Variants in LRRC37A2 observed in about 807,000 individuals in gnomAD.
The protein encoded by LRRC37A2 is leucine rich repeat containing 37 member A2, also known as leucine-rich repeat-containing protein 37A2.
A neutral mutation model predicts 68.8 loss-of-function variants in LRRC37A2; 9 were observed. The observed-to-expected ratio is 0.13, with a 90% CI of 0.08 to 0.23. The LOEUF (loss-of-function observed/expected upper bound fraction) is 0.23, where lower values mean the gene tolerates loss of function less well. Ranked by LOEUF, LRRC37A2 falls within the 10% of genes least tolerant of loss-of-function variation. The probability of loss-of-function intolerance (pLI) is 1.00; values close to 1 mark genes in which losing one functional copy is unlikely to be tolerated. For missense variants in LRRC37A2, 168 were observed against 950.4 expected (o/e 0.18, Z 10.82); for synonymous variants, 63 against 367.6 (o/e 0.17, Z 9.48).
chr17:46,792,242 G>T, the LRRC37A2 span, among the ~76,000 whole-genome samples: 1 of 152,186 alleles, frequency 6.6e-6, no homozygotes, highest in African/African-American at 2.4e-5. Context: ...GGTGGGAGGA[G>T]GTGTCCTCCA....
chr17:46,787,605 C>A, the LRRC37A2 span, among the ~76,000 whole-genome samples: 1 of 152,206 alleles, frequency 6.6e-6, no homozygotes, highest in East Asian at 1.9e-4. Context: ...CAGACCTGAT[C>A]ATCTGAAGGC....
chr17:46,998,983 G>A, the LRRC37A2 span, among the ~76,000 whole-genome samples: 4 of 152,332 alleles, frequency 2.6e-5, no homozygotes, highest in African/African-American at 9.6e-5. Context: ...GAGGTGAAGA[G>A]GTGGAGAGGG....
At chr17:47,003,672 T>C in the LRRC37A2 span, among the ~76,000 whole-genome samples, 1 of 152,188 alleles carries the variant, frequency 6.6e-6, no homozygotes, top group African/African-American at 2.4e-5. Context: ...CACCCTGGGA[T>C]TTCTCCCATC....
chr17:46,987,038 G>A, the LRRC37A2 span, among the ~76,000 whole-genome samples: 1 of 152,124 alleles, frequency 6.6e-6, no homozygotes, highest in Non-Finnish European at 1.5e-5. Context: ...TTGAGGTCAG[G>A]GGTTCAAGAC....
At chr17:46,886,310 G>T in the LRRC37A2 span, 1 of 152,232 alleles carries the variant, frequency 6.6e-6, no homozygotes, top group African/African-American at 2.4e-5. Context: ...GGGGATGGAG[G>T]TTAAATGAGA....
the LRRC37A2 span, among the ~76,000 whole-genome samples, chr17:46,776,250 G>A: frequency 2.6e-5 from 4 of 152,324 alleles, no homozygotes; most frequent in African/African-American, 9.6e-5. Flanking sequence ...TCTGCACCCT[G>A]GGCCTCCATA....
the LRRC37A2 span, among the ~76,000 whole-genome samples, chr17:47,019,971 G>A: frequency 2.0e-5 from 3 of 148,820 alleles, no homozygotes; most frequent in Non-Finnish European, 4.4e-5. Flanking sequence ...TTAATGTTAG[G>A]CCCCTTCTCC....
At chr17:46,838,520 AG>A in the LRRC37A2 span, among the ~76,000 whole-genome samples, 1 of 151,964 alleles carries the variant, frequency 6.6e-6, no homozygotes, top group Non-Finnish European at 1.5e-5. Flanking sequence ...CTAGCTTCTC[AG>A]GAGGCTAAGG....
At chr17:46,805,483 G>C in the LRRC37A2 span, among the ~76,000 whole-genome samples, 2 of 152,220 alleles carry the variant, frequency 1.3e-5, no homozygotes, top group Admixed American at 6.5e-5. Flanking sequence ...TGAGGCAGGA[G>C]AATCGCTTGA....
At chr17:46,796,750 C>T in the LRRC37A2 span, among the ~76,000 whole-genome samples, 1 of 152,216 alleles carries the variant, frequency 6.6e-6, no homozygotes, top group Non-Finnish European at 1.5e-5. Flanking sequence ...TCCCTGGTTC[C>T]TGGCTGCTGC....
At chr17:47,007,212 C>G in the LRRC37A2 span, among the ~76,000 whole-genome samples, 1 of 152,272 alleles carries the variant, frequency 6.6e-6, no homozygotes, top group East Asian at 1.9e-4. Context: ...GAGTCTTGCT[C>G]TGTTGCCGAG....
At chr17:46,923,321 C>T in the LRRC37A2 span, 1 of 1,539,146 alleles carries the variant, frequency 6.5e-7, no homozygotes, top group East Asian at 2.5e-5. Flanking sequence ...GGGTAGAGGC[C>T]GAGTTTTTCC....
the LRRC37A2 span, among the ~76,000 whole-genome samples, chr17:46,765,542 TTC>T: frequency 1.3e-5 from 2 of 152,246 alleles, no homozygotes; most frequent in Non-Finnish European, 2.9e-5. Context: ...TGCGACTCCC[TTC>T]TCTCTCCTGC....
intron 8 of LRRC37A2, among the ~76,000 whole-genome samples, chr17:46,542,696 A>T (rs1357920243): frequency 2.0e-5 from 3 of 150,014 alleles, no homozygotes; most frequent in African/African-American, 5.1e-5. Flanking sequence ...CCCTGTCTAA[A>T]ATATATATAT....
chr17:46,732,604 A>G, the LRRC37A2 span, among the ~76,000 whole-genome samples: 12 of 152,334 alleles, frequency 7.9e-5, no homozygotes, highest in Admixed American at 7.2e-4. Flanking sequence ...TGATTGATTT[A>G]TTAGCCCTTT....
chr17:46,691,702 G>A, the LRRC37A2 span, among the ~76,000 whole-genome samples: 38 of 151,692 alleles, frequency 2.5e-4, no homozygotes, highest in African/African-American at 7.6e-4. Flanking sequence ...TTTATTATCC[G>A]TATGTTGTCA....
chr17:46,825,627 G>A, the LRRC37A2 span, among the ~76,000 whole-genome samples: 2 of 152,242 alleles, frequency 1.3e-5, no homozygotes, highest in Admixed American at 6.5e-5. Context: ...TGGCAGCTGA[G>A]CACTGATGAG....
chr17:46,857,138 C>T, the LRRC37A2 span, among the ~76,000 whole-genome samples: 1 of 152,078 alleles, frequency 6.6e-6, no homozygotes, highest in African/African-American at 2.4e-5. Flanking sequence ...TATGGCTATA[C>T]CACAAATTAT....
At chr17:46,689,056 A>G in the LRRC37A2 span, among the ~76,000 whole-genome samples, 2 of 124,990 alleles carry the variant, frequency 1.6e-5, no homozygotes, top group Non-Finnish European at 3.1e-5. Flanking sequence ...AAAATATACC[A>G]TAAATAGGCT....
Sources: gnomAD v4.1 joint callset for allele counts (sites outside exome capture counted in the v4.1 genomes callset) on GRCh38, gnomAD v4.1.1 for gene constraint, MANE v1.5 for transcripts, NCBI Gene and HGNC (gene_info 2026-07-23, HGNC 2026-07-21) for gene names.